Variants in FAF1 observed in about 807,000 individuals in gnomAD.
FAF1 encodes the protein Fas associated factor 1, also known as FAS-associated factor 1.
A neutral mutation model predicts 92.5 loss-of-function variants in FAF1; 25 were observed. The observed-to-expected ratio is 0.27, with a 90% CI of 0.20 to 0.38. FAF1 has a LOEUF of 0.38. Among genes scored for constraint, FAF1 ranks in the 10% least tolerant of loss-of-function variants. FAF1 has a pLI of 1.00. For synonymous variants in FAF1, 234 were observed against 273.2 expected, an observed-to-expected ratio of 0.86 and a Z score of 1.42; for missense variants, 636 against 793.3, an observed-to-expected ratio of 0.80 and a Z score of 2.38.
intron 4 of FAF1, among the ~76,000 whole-genome samples, chr1:50,747,730 A>C (rs1659685444): frequency 6.6e-6 from 1 of 152,220 alleles, no homozygotes; most frequent in African/African-American, 2.4e-5. Flanking sequence ...ATCCCCAATC[A>C]TGTTAAATTA....
At chr1:50,930,131 G>T (rs890661278) in intron 1 of FAF1, among the ~76,000 whole-genome samples, 4 of 152,092 alleles carry the variant, frequency 2.6e-5, no homozygotes, top group African/African-American at 7.2e-5. Context: ...TTTCAAGAGA[G>T]GGATATCTTT....
chr1:50,839,972 T>C (rs999819929), intron 2 of FAF1, among the ~76,000 whole-genome samples: 1 of 151,990 alleles, frequency 6.6e-6, no homozygotes, highest in African/African-American at 2.4e-5. Context: ...TGATGTTCAA[T>C]AAGGGACAAG....
At chr1:50,722,762 C>T (rs1658468180) in intron 6 of FAF1, among the ~76,000 whole-genome samples, 1 of 152,070 alleles carries the variant, frequency 6.6e-6, no homozygotes, top group Non-Finnish European at 1.5e-5. Context: ...GCCCGCTGCT[C>T]ATATATGCTA....
chr1:50,529,072 A>G (rs1185310723), intron 15 of FAF1, among the ~76,000 whole-genome samples: 1 of 152,186 alleles, frequency 6.6e-6, no homozygotes, highest in East Asian at 1.9e-4. Context: ...TGGGGGAGTC[A>G]AAAGTTATAC....
intron 7 of FAF1, among the ~76,000 whole-genome samples, chr1:50,686,874 G>A (rs938341668): frequency 6.6e-5 from 10 of 151,932 alleles, no homozygotes; most frequent in African/African-American, 1.2e-4. Context: ...TGTCGCCCAC[G>A]CTGGAGTGCA....
chr1:50,771,633 G>A (rs1489339178), intron 4 of FAF1, among the ~76,000 whole-genome samples: 1 of 152,164 alleles, frequency 6.6e-6, no homozygotes, highest in Non-Finnish European at 1.5e-5. Flanking sequence ...CAGCACACTG[G>A]CTCACACCTG....
intron 3 of FAF1, among the ~76,000 whole-genome samples, chr1:50,788,635 TCTCC>T (rs1661448066): frequency 6.6e-6 from 1 of 152,004 alleles, no homozygotes; most frequent in Admixed American, 6.6e-5. Context: ...TCTCCCCAAT[TCTCC>T]CTATCTCACA....
intron 1 of FAF1, among the ~76,000 whole-genome samples, chr1:50,863,529 A>G (rs1247986647): frequency 6.6e-6 from 1 of 152,070 alleles, no homozygotes; most frequent in Non-Finnish European, 1.5e-5. Flanking sequence ...GCAGAACTAA[A>G]TGAAATTGAA....
intron 15 of FAF1, among the ~76,000 whole-genome samples, chr1:50,504,841 A>C (rs1311105440): frequency 6.6e-6 from 1 of 152,216 alleles, no homozygotes; most frequent in Non-Finnish European, 1.5e-5. Context: ...TGTTAACCAA[A>C]GTATGGTCCA....
At chr1:50,534,977 G>A (rs568794409) in intron 15 of FAF1, among the ~76,000 whole-genome samples, 2 of 152,240 alleles carry the variant, frequency 1.3e-5, no homozygotes, top group Non-Finnish European at 2.9e-5. Context: ...TGTAAAATGT[G>A]TTTATTGCTA....
chr1:50,509,599 G>A (rs1647107432), intron 15 of FAF1, among the ~76,000 whole-genome samples: 1 of 152,118 alleles, frequency 6.6e-6, no homozygotes, highest in Non-Finnish European at 1.5e-5. Flanking sequence ...GCAATGGAGT[G>A]AGAATGTCAA....
intron 8 of FAF1, among the ~76,000 whole-genome samples, chr1:50,619,552 A>C (rs1179875897): frequency 6.6e-6 from 1 of 152,224 alleles, no homozygotes; most frequent in Non-Finnish European, 1.5e-5. Context: ...TGCTGAATAT[A>C]GGCCCCAAAT....
chr1:50,880,581 C>T (rs1313825538), intron 1 of FAF1, among the ~76,000 whole-genome samples: 1 of 152,204 alleles, frequency 6.6e-6, no homozygotes, highest in Non-Finnish European at 1.5e-5. Flanking sequence ...TATGAGGACA[C>T]AGTGAGAAGG....
chr1:50,650,458 A>G (rs1220708224), intron 8 of FAF1, among the ~76,000 whole-genome samples: 2 of 151,656 alleles, frequency 1.3e-5, no homozygotes, highest in African/African-American at 4.8e-5. Flanking sequence ...TGTCTCTACT[A>G]AAAATACAAA....
chr1:50,846,706 G>A, intron 2 of FAF1: 2 of 603,992 alleles, frequency 3.3e-6, no homozygotes, highest in Non-Finnish European at 3.2e-6. Context: ...GCATGATGGA[G>A]CACTTCTCCA....
At chr1:50,650,969 C>G (rs1393363024) in intron 8 of FAF1, among the ~76,000 whole-genome samples, 1 of 152,108 alleles carries the variant, frequency 6.6e-6, no homozygotes, top group South Asian at 2.1e-4. Context: ...TATCCCACAC[C>G]CTATTCGAGT....
At chr1:50,638,219 T>A (rs901542075) in intron 8 of FAF1, among the ~76,000 whole-genome samples, 14 of 152,108 alleles carry the variant, frequency 9.2e-5, no homozygotes, top group African/African-American at 3.4e-4. Context: ...TTATGTTGGA[T>A]CTACCAAGAA....
chr1:50,447,218 C>CG, intron 18 of FAF1, among the ~76,000 whole-genome samples: 1 of 151,118 alleles, frequency 6.6e-6, no homozygotes, highest in African/African-American at 2.4e-5. Context: ...CTCCGCCTCC[C>CG]GGGTTCATGC....
intron 7 of FAF1, among the ~76,000 whole-genome samples, chr1:50,678,308 C>T (rs1000421733): frequency 2.6e-5 from 4 of 152,120 alleles, no homozygotes; most frequent in African/African-American, 4.8e-5. Context: ...GTAGTTAAAG[C>T]TGGGTGGAGC....
Sources: allele counts gnomAD v4.1 joint callset (sites outside exome capture counted in the v4.1 genomes callset), GRCh38; gene constraint gnomAD v4.1.1; transcripts MANE v1.5; gene names NCBI Gene and HGNC (gene_info 2026-07-23, HGNC 2026-07-21).